The following ERC2 variants were observed in gnomAD, a reference collection of about 807,000 sequenced individuals.
ERC2 encodes the protein ELKS/RAB6-interacting/CAST family member 2.
In ERC2, 42 loss-of-function variants were observed where a neutral mutation model predicts 114.8. The ratio of observed to expected loss-of-function variants is 0.37; its 90% confidence interval spans 0.29 to 0.47. The LOEUF (loss-of-function observed/expected upper bound fraction) is 0.47, where lower values mean the gene tolerates loss of function less well. Ranked by LOEUF, ERC2 falls within the 20% of genes least tolerant of loss-of-function variation. The pLI is 0.99. For missense variants in ERC2, 939 were observed against 1,150.7 expected, an observed-to-expected ratio of 0.82 and a Z score of 2.66; for synonymous variants, 454 against 425.5, an observed-to-expected ratio of 1.07 and a Z score of -0.82.
At chr3:56,374,541 G>A (rs34967455) in intron 2 of ERC2, among the ~76,000 whole-genome samples, 35,193 of 152,036 alleles carry the variant, frequency 0.23, 4,655 homozygotes, top group Non-Finnish European at 0.29. Context: ...TCCTCCCCTA[G>A]ACCTTAAAGA....
Position 56,435,164 on chromosome 3 carries a change from A to C in ERC2, c.-140-17T>G. On this transcript the variant is annotated splice_polypyrimidine_tract_variant and intron_variant, in intron 1 of 17. Transcript: ENST00000288221. ...CTCAGAGATCTACAAAGTGAAAAAA[A>C]GAATAATTAAAAACAAATTTCTTTA... is the stretch of plus-strand genomic sequence containing the variant. 2 of 615,140 alleles carry C rather than the reference A, an allele frequency of 3.3e-6. No homozygotes were observed. The highest frequency in any genetic ancestry group is 5.6e-6 in the Non-Finnish European group (2 of 356,794). 38.1% of individuals were successfully genotyped at this position (615,140 alleles called of 1,614,324 possible). A position where few individuals can be genotyped will look rare whatever the true frequency, so the allele number is the denominator to read the frequency against.
intron 4 of ERC2, among the ~76,000 whole-genome samples, chr3:56,168,598 A>ACT (rs1205837785): frequency 6.6e-6 from 1 of 151,392 alleles, no homozygotes; most frequent in Non-Finnish European, 1.5e-5. Context: ...TTGCCTTTGA[A>ACT]CTCTCTCCCC....
chr3:55,911,357 T>G (rs1314312280), intron 13 of ERC2, among the ~76,000 whole-genome samples: 3 of 152,204 alleles, frequency 2.0e-5, no homozygotes, highest in Non-Finnish European at 2.9e-5. Context: ...ATAAACATCC[T>G]GTCTAAATGT....
intron 14 of ERC2, among the ~76,000 whole-genome samples, chr3:55,865,828 A>C (rs2062285654): frequency 6.6e-6 from 1 of 152,152 alleles, no homozygotes; most frequent in Non-Finnish European, 1.5e-5. Context: ...GTATGGATGT[A>C]CCATCTTTTG....
At chr3:56,333,984 C>A (rs1488441277) in intron 2 of ERC2, among the ~76,000 whole-genome samples, 1 of 152,198 alleles carries the variant, frequency 6.6e-6, no homozygotes, top group Admixed American at 6.5e-5. Flanking sequence ...TCTTATTAAT[C>A]TTTGAATCTC....
chr3:56,079,802 T>C (rs2077144141), intron 7 of ERC2, among the ~76,000 whole-genome samples: 2 of 152,186 alleles, frequency 1.3e-5, no homozygotes, highest in Admixed American at 1.3e-4. Flanking sequence ...TTATGCATTA[T>C]GAGGATTAAT....
At chr3:56,368,848 T>A (rs2059254436) in intron 2 of ERC2, among the ~76,000 whole-genome samples, 1 of 152,134 alleles carries the variant, frequency 6.6e-6, no homozygotes, top group Non-Finnish European at 1.5e-5. Context: ...TGTTTTTGAA[T>A]CTTGTTGGAA....
chr3:56,160,218 G>A (rs1170220749), intron 4 of ERC2, among the ~76,000 whole-genome samples: 1 of 152,094 alleles, frequency 6.6e-6, no homozygotes, highest in East Asian at 1.9e-4. Flanking sequence ...GCTTCTCACT[G>A]TGGTTTTTAT....
chr3:56,422,259 C>T (rs1280316431), intron 2 of ERC2, among the ~76,000 whole-genome samples: 1 of 152,152 alleles, frequency 6.6e-6, no homozygotes, highest in Non-Finnish European at 1.5e-5. Context: ...AAAGAGCTGC[C>T]CTGTCCCTGA....
At chr3:56,422,049 C>T (rs2061408857) in intron 2 of ERC2, among the ~76,000 whole-genome samples, 1 of 152,126 alleles carries the variant, frequency 6.6e-6, no homozygotes, top group African/African-American at 2.4e-5. Flanking sequence ...AGATGTGGAA[C>T]AAAAGACAAA....
At chr3:55,723,595 T>G (rs2148892297) in intron 15 of ERC2, among the ~76,000 whole-genome samples, 1 of 152,242 alleles carries the variant, frequency 6.6e-6, no homozygotes, top group Middle Eastern at 3.4e-3. Context: ...TGAGAAAGAT[T>G]AAAGGCAAAC....
intron 13 of ERC2, among the ~76,000 whole-genome samples, chr3:55,924,808 G>T (rs1205321230): frequency 6.6e-6 from 1 of 152,164 alleles, no homozygotes; most frequent in African/African-American, 2.4e-5. Flanking sequence ...CCCACCCACA[G>T]AAGCTGGATG....
chr3:55,939,367 C>T (rs2066640102), intron 13 of ERC2, among the ~76,000 whole-genome samples: 1 of 152,190 alleles, frequency 6.6e-6, no homozygotes, highest in Non-Finnish European at 1.5e-5. Flanking sequence ...TAATACTTTG[C>T]AATGTTAATA....
rs190075598 is a variant in ERC2, at chr3:56,072,408, C to T, written c.1641+8409G>A. On this transcript the variant is annotated intron_variant, in intron 7 of 17. Transcript: ENST00000288221. ...TTAGGTCCGGTGACATACTGCTACC[C>T]TACCAACACAAAATACATATAAATA... 210 of 152,288 alleles carry T rather than the reference C, an allele frequency of 1.4e-3. 1 individual carries two copies. Among genetic ancestry groups the T allele is most frequent in the African/African-American group, 4.8e-3 (201 of 41,570 alleles). 9.4% of individuals were successfully genotyped at this position (152,288 alleles called of 1,614,324 possible). A position where few individuals can be genotyped will look rare whatever the true frequency, so the allele number is the denominator to read the frequency against.
chr3:56,022,376 G>C (rs961345462), intron 7 of ERC2, among the ~76,000 whole-genome samples: 1 of 152,092 alleles, frequency 6.6e-6, no homozygotes, highest in Non-Finnish European at 1.5e-5. Context: ...AGAATAAAAA[G>C]ATATTTTAAA....
intron 4 of ERC2, among the ~76,000 whole-genome samples, chr3:56,172,840 C>T (rs190474161): frequency 1.9e-4 from 29 of 152,250 alleles, no homozygotes; most frequent in African/African-American, 3.4e-4. Context: ...ATTCCTTAAA[C>T]GCCCTAAATT....
chr3:56,358,274 C>T (rs1432941518), intron 2 of ERC2, among the ~76,000 whole-genome samples: 2 of 152,154 alleles, frequency 1.3e-5, no homozygotes, highest in Non-Finnish European at 2.9e-5. Context: ...TAGTCCCCAT[C>T]CTCCTCTCTT....
chr3:56,329,244 CTTTA>C (rs1337961058), intron 2 of ERC2, among the ~76,000 whole-genome samples: 1 of 152,148 alleles, frequency 6.6e-6, no homozygotes, highest in African/African-American at 2.4e-5. Context: ...TAAGAAATGC[CTTTA>C]TTGTTAACTC....
At chr3:56,329,846 A>C (rs35995295) in intron 2 of ERC2, among the ~76,000 whole-genome samples, 7,816 of 151,110 alleles carry the variant, frequency 0.052, 392 homozygotes, top group East Asian at 0.16. Context: ...TATTTCCACT[A>C]TATGTATTTC....
Sources: gnomAD v4.1 joint callset for allele counts (sites outside exome capture counted in the v4.1 genomes callset) on GRCh38, gnomAD v4.1.1 for gene constraint, MANE v1.5 for transcripts, NCBI Gene and HGNC (gene_info 2026-07-23, HGNC 2026-07-21) for gene names.